Variants in CBX5 observed in about 807,000 individuals in gnomAD.
CBX5 encodes the protein chromobox protein homolog 5.
A neutral mutation model predicts 20.7 loss-of-function variants in CBX5; 7 were observed. The ratio of observed to expected loss-of-function variants is 0.34; its 90% CI spans 0.19 to 0.63. CBX5 has a LOEUF of 0.63. Among genes scored for constraint, CBX5 ranks in the 30% least tolerant of loss-of-function variants. The pLI is 0.75. For synonymous variants in CBX5, 78 were observed against 77.0 expected (o/e 1.01, Z -0.07); for missense variants, 110 against 224.1 (o/e 0.49, Z 3.25).
chr12:54,257,633 C>T lies in CBX5; in HGVS notation c.18G>A (p.Lys6=). The T allele has an allele frequency of 6.2e-7, 1 of 1,614,244 alleles. No homozygotes were observed. Among genetic ancestry groups the T allele is most frequent in the African/African-American group, 1.3e-5 (1 of 75,060 alleles). The change falls in exon 2 of 5, where the codon AAG becomes AAA. Residue 6 remains lysine (K), a synonymous_variant. Transcript: ENST00000209875. The stretch of plus-strand genomic sequence containing the variant: ...CTGAAGAAGAACTGTCAGCTGTCCG[C>T]TTGGTTTTCTTTCCCATGTCGCACA... MGKKT[K]RTADSSSSED... is the part of the protein sequence containing the mutation.
intron 4 of CBX5, among the ~76,000 whole-genome samples, chr12:54,243,386 G>A (rs1943698937): frequency 6.6e-6 from 1 of 151,982 alleles, no homozygotes; most frequent in Non-Finnish European, 1.5e-5. Context: ...AGGAAGACCT[G>A]GTCTCTTCAA....
Position 54,237,404 on chromosome 12 carries a change from T to C in CBX5, c.*4351A>G, listed in dbSNP as rs974638963. The C allele has an allele frequency of 6.6e-6, 1 of 152,184 alleles. No individual in the cohort carries two copies. Among genetic ancestry groups the C allele is most frequent in the African/African-American group, 2.4e-5 (1 of 41,448 alleles). 9.4% of individuals were successfully genotyped at this position (152,184 alleles called of 1,614,324 possible). The stretch of plus-strand genomic sequence containing the variant: ...AAACTAGAAAGCAATCATCAACTAA[T>C]TGCAGACTATAAAGATACCCAAAAA... On this transcript the variant is annotated 3_prime_UTR_variant, in exon 5 of 5. Transcript: ENST00000209875.
In CBX5 at chr12:54,238,200, TA is replaced by T. The variant is rs1943642724; in HGVS notation, c.*3554del. On this transcript the variant is annotated 3_prime_UTR_variant, in exon 5 of 5. Transcript: ENST00000209875. The stretch of plus-strand genomic sequence containing the variant: ...CGAGACTCTGTCTAAAAAAAATAAA[TA>T]AATAATAGAGGTGAATGTCTGCATT... 6.6e-6 allele frequency: 1 copy of T among 151,632 alleles called. No homozygotes were observed. Among genetic ancestry groups the T allele is most frequent in the Non-Finnish European group, 1.5e-5 (1 of 67,932 alleles). 9.4% of individuals were successfully genotyped at this position (151,632 alleles called of 1,614,324 possible).
intron 1 of CBX5, among the ~76,000 whole-genome samples, chr12:54,261,156 A>T (rs1943912905): frequency 6.8e-6 from 1 of 147,462 alleles, no homozygotes; most frequent in Non-Finnish European, 1.5e-5. Context: ...GCGCCACTGC[A>T]CTCCAGCCTG....
At chr12:54,268,740 G>A (rs981304164) in intron 1 of CBX5, among the ~76,000 whole-genome samples, 1 of 152,152 alleles carries the variant, frequency 6.6e-6, no homozygotes, top group Admixed American at 6.5e-5. Flanking sequence ...GGTTGTTATA[G>A]AAAAGGTAAA....
At chr12:54,257,433 A>G in intron 2 of CBX5, 81 bp downstream of exon 2, 1 of 1,462,416 alleles carries the variant, frequency 6.8e-7, no homozygotes, top group Non-Finnish European at 9.4e-7. Context: ...AAAGACAAAA[A>G]TGCTTGTGAT....
chr12:54,274,495 C>T (rs1944041326), intron 1 of CBX5, among the ~76,000 whole-genome samples: 3 of 152,140 alleles, frequency 2.0e-5, no homozygotes, highest in Admixed American at 2.0e-4. Flanking sequence ...ATATCCATAA[C>T]ACAGCTTTAG....
rs538069508 is a variant in CBX5 at position 54,269,649 on chromosome 12, A to C, written c.-43+10359T>G. On this transcript the variant is annotated intron_variant, in intron 1 of 4. Transcript: ENST00000209875. ...TGATCCACCCACCTCAGCCTCCCAA[A>C]GTGCTGGGATTACAGGCATGAGCCA... Among the ~76,000 whole-genome samples the C allele has an allele frequency of 2.6e-5, 4 of 152,194 alleles. No individual in the cohort carries two copies. In the East Asian group the frequency reaches 7.7e-4, roughly 29 times the overall value.
At chr12:54,272,093 C>T (rs1023319649) in intron 1 of CBX5, 1 of 152,216 alleles carries the variant, frequency 6.6e-6, no homozygotes, top group Non-Finnish European at 1.5e-5. Context: ...TAAGATTTCC[C>T]AGCCTGTTAG....
At chr12:54,245,164 C>T (rs770265853) in intron 4 of CBX5, among the ~76,000 whole-genome samples, 2 of 151,926 alleles carry the variant, frequency 1.3e-5, no homozygotes, top group Non-Finnish European at 2.9e-5. Context: ...GCATGCGTCA[C>T]CACGCCCAGC....
intron 2 of CBX5, among the ~76,000 whole-genome samples, chr12:54,254,627 TG>T (rs1390539497): frequency 6.6e-6 from 1 of 151,930 alleles, no homozygotes; most frequent in East Asian, 1.9e-4. Context: ...CAGAAGCAGG[TG>T]GATCACCTGA....
chr12:54,273,912 A>T (rs1207422691), intron 1 of CBX5: 2 of 152,266 alleles, frequency 1.3e-5, no homozygotes, highest in Non-Finnish European at 1.5e-5. Flanking sequence ...GTGGACATAT[A>T]TAAAACATTA....
At chr12:54,243,717 A>G (rs1943703114) in intron 4 of CBX5, among the ~76,000 whole-genome samples, 1 of 151,930 alleles carries the variant, frequency 6.6e-6, no homozygotes, top group African/African-American at 2.4e-5. Context: ...AAAAATATAA[A>G]AATTGCCCAG....
At chr12:54,264,582 C>T (rs1943941717) in intron 1 of CBX5, among the ~76,000 whole-genome samples, 1 of 152,198 alleles carries the variant, frequency 6.6e-6, no homozygotes, top group Non-Finnish European at 1.5e-5. Context: ...GTGGCTCATG[C>T]CTGTAATCCC....
At chr12:54,253,531 A>G (rs1000353290) in intron 2 of CBX5, among the ~76,000 whole-genome samples, 5 of 152,020 alleles carry the variant, frequency 3.3e-5, no homozygotes, top group African/African-American at 4.8e-5. Context: ...TTCAAAGACC[A>G]GCCTAAGCAA....
intron 3 of CBX5, among the ~76,000 whole-genome samples, chr12:54,246,641 C>A (rs1475954555): frequency 2.6e-5 from 4 of 151,928 alleles, no homozygotes; most frequent in African/African-American, 9.7e-5. Context: ...ATTAGCCAGG[C>A]ATGGTGGCAG....
chr12:54,267,411 C>T (rs1297183310), intron 1 of CBX5, among the ~76,000 whole-genome samples: 1 of 152,176 alleles, frequency 6.6e-6, no homozygotes, highest in Non-Finnish European at 1.5e-5. Context: ...CTAGCTTGCA[C>T]ATTTTAGACA....
chr12:54,249,386 A>C (rs1943769326), intron 3 of CBX5, among the ~76,000 whole-genome samples: 1 of 151,898 alleles, frequency 6.6e-6, no homozygotes. Flanking sequence ...AAAAAAAAAA[A>C]ATTCTAATTT....
intron 1 of CBX5, among the ~76,000 whole-genome samples, chr12:54,264,799 C>T (rs563930657): frequency 4.0e-5 from 6 of 151,684 alleles, no homozygotes; most frequent in African/African-American, 9.7e-5. Context: ...GCCAAGATTG[C>T]GCCACTGCAC....
Sources: gnomAD v4.1 joint callset for allele counts (sites outside exome capture counted in the v4.1 genomes callset) on GRCh38, gnomAD v4.1.1 for gene constraint, MANE v1.5 for transcripts, NCBI Gene and HGNC (gene_info 2026-07-23, HGNC 2026-07-21) for gene names.